Variants in PLB1 observed in about 807,000 individuals in gnomAD.
The protein encoded by PLB1 is phospholipase B1, also known as phospholipase B1, membrane-associated.
PLB1 carries 242 observed loss-of-function variants against 227.4 expected under a neutral mutation model. The observed-to-expected ratio is 1.06, with a 90% CI of 0.96 to 1.18. The LOEUF (loss-of-function observed/expected upper bound fraction) is 1.18. PLB1 is among the 50% of genes most tolerant of loss of function. The pLI is 0.00. For synonymous variants in PLB1, 757 were observed against 682.2 expected (o/e 1.11, Z -1.71); for missense variants, 1,858 against 1,816.3 (o/e 1.02, Z -0.42).
intron 6 of PLB1, among the ~76,000 whole-genome samples, chr2:28,528,824 T>G (rs978734186): frequency 1.1e-4 from 17 of 151,862 alleles, no homozygotes; most frequent in Admixed American, 6.6e-4. Context: ...GAGGTACAGA[T>G]AGCCTCACAG....
chr2:28,519,255 T>G (rs1229414297), intron 3 of PLB1, among the ~76,000 whole-genome samples: 1 of 152,206 alleles, frequency 6.6e-6, no homozygotes, highest in Non-Finnish European at 1.5e-5. Flanking sequence ...GGATATGTGT[T>G]CACAGGCTTT....
chr2:28,565,807 CT>C (rs1307522773), intron 19 of PLB1, among the ~76,000 whole-genome samples: 1 of 152,176 alleles, frequency 6.6e-6, no homozygotes, highest in Admixed American at 6.5e-5. Flanking sequence ...TACCTGAGCA[CT>C]GTCTGAGGGC....
chr2:28,567,568 G>C (rs1215072172), intron 20 of PLB1, among the ~76,000 whole-genome samples: 3 of 140,822 alleles, frequency 2.1e-5, no homozygotes, highest in Non-Finnish European at 4.5e-5. Flanking sequence ...CCGCCTCCCT[G>C]GTTCAAGCGA....
At chr2:28,617,583 C>T (rs1686367122) in intron 44 of PLB1, 144 bp from the exon 45 acceptor site, 4 of 775,128 alleles carry the variant, frequency 5.2e-6, no homozygotes, top group East Asian at 2.6e-5. Context: ...ACCTATAACT[C>T]ACAGTTCTTT....
At chr2:28,578,221 G>A in intron 22 of PLB1, 63 bp downstream of exon 22, 2 of 1,535,402 alleles carry the variant, frequency 1.3e-6, no homozygotes. Context: ...ATCAGCTGTG[G>A]ATTGAGGGAT....
chr2:28,626,602 TCCTTGCTC>T (rs1687826992), intron 51 of PLB1, 94 bp downstream of exon 51: 5 of 632,686 alleles, frequency 7.9e-6, no homozygotes, highest in African/African-American at 2.5e-5. Context: ...TGCCCCGAGC[TCCTTGCTC>T]ATGGGAACCA....
At chr2:28,608,033 C>A (rs1335610798) in intron 43 of PLB1, among the ~76,000 whole-genome samples, 1 of 152,174 alleles carries the variant, frequency 6.6e-6, no homozygotes, top group East Asian at 1.9e-4. Flanking sequence ...GGCAGAGACC[C>A]CCAAAAGGAG....
At chr2:28,625,236 G>A in intron 50 of PLB1, 128 bp downstream of exon 50, 1 of 865,128 alleles carries the variant, frequency 1.2e-6, no homozygotes, top group African/African-American at 1.7e-5. Context: ...GATCCTCGGA[G>A]AAGCAGTCCT....
At chr2:28,517,341 C>T (rs1212552933) in intron 2 of PLB1, among the ~76,000 whole-genome samples, 2 of 151,274 alleles carry the variant, frequency 1.3e-5, no homozygotes, top group East Asian at 3.9e-4. Context: ...AGTATTCCCC[C>T]GCTTCCACTC....
intron 54 of PLB1, 79 bp from the exon 55 acceptor site, chr2:28,631,957 C>A (rs1688687992): frequency 8.0e-7 from 1 of 1,243,768 alleles, no homozygotes; most frequent in Admixed American, 1.7e-5. Context: ...CCGTCAACAA[C>A]CAATCCAAGG....
intron 6 of PLB1, among the ~76,000 whole-genome samples, chr2:28,528,854 A>ACAGTCC (rs1286568407): frequency 1.3e-5 from 2 of 151,874 alleles, no homozygotes; most frequent in Non-Finnish European, 2.9e-5. Context: ...GGGTGGCCTC[A>ACAGTCC]CAGTCCCAGG....
chr2:28,519,471 C>G (rs991494088), intron 3 of PLB1, among the ~76,000 whole-genome samples: 2 of 152,162 alleles, frequency 1.3e-5, no homozygotes, highest in Non-Finnish European at 2.9e-5. Context: ...TTGGACAGCT[C>G]AAGTCCAGTT....
At chr2:28,512,542 A>T (rs1021732191) in intron 1 of PLB1, among the ~76,000 whole-genome samples, 2 of 152,230 alleles carry the variant, frequency 1.3e-5, no homozygotes, top group African/African-American at 4.8e-5. Flanking sequence ...TTGATCAAAC[A>T]TAGCAATTCT....
intron 18 of PLB1, among the ~76,000 whole-genome samples, chr2:28,564,232 G>A (rs1413406073): frequency 2.6e-5 from 4 of 152,182 alleles, no homozygotes; most frequent in East Asian, 3.9e-4. Context: ...ACAGAGCAAG[G>A]CCCTGTCTCT....
At chr2:28,639,643 T>C (rs747271433) in intron 56 of PLB1, among the ~76,000 whole-genome samples, 3 of 152,222 alleles carry the variant, frequency 2.0e-5, no homozygotes, top group Non-Finnish European at 2.9e-5. Flanking sequence ...ATCAAACCCT[T>C]GTAATCACGA....
intron 24 of PLB1, 64 bp downstream of exon 24, chr2:28,582,197 G>A: frequency 1.9e-6 from 3 of 1,547,886 alleles, no homozygotes; most frequent in South Asian, 2.2e-5. Context: ...GGAAGCTCTG[G>A]CATCCTGCTG....
chr2:28,581,696 G>A (rs775011402), intron 23 of PLB1, among the ~76,000 whole-genome samples: 11 of 151,986 alleles, frequency 7.2e-5, no homozygotes, highest in African/African-American at 1.4e-4. Flanking sequence ...GGCCAGGTGC[G>A]GTGGCTCATA....
At chr2:28,601,985 A>T (rs949272906) in intron 38 of PLB1, 21 bp downstream of exon 38, 3 of 1,577,162 alleles carry the variant, frequency 1.9e-6, no homozygotes, top group African/African-American at 1.4e-5. Flanking sequence ...GGCTTCCACA[A>T]GCTGGTAACA....
intron 43 of PLB1, 139 bp from the exon 44 acceptor site, chr2:28,613,892 T>G: frequency 5.4e-6 from 4 of 739,364 alleles, no homozygotes; most frequent in Non-Finnish European, 9.1e-6. Context: ...AATGAAATTA[T>G]GTTTATACAG....
Sources: gnomAD v4.1 joint callset for allele counts (sites outside exome capture counted in the v4.1 genomes callset) on GRCh38, gnomAD v4.1.1 for gene constraint, MANE v1.5 for transcripts, NCBI Gene and HGNC (gene_info 2026-07-23, HGNC 2026-07-21) for gene names.